The following RNF135 variants were observed in gnomAD, a reference collection of about 807,000 sequenced individuals.
RNF135 encodes E3 ubiquitin-protein ligase RNF135.
In RNF135, 46 loss-of-function variants were observed where a neutral mutation model predicts 41.9. The ratio of observed to expected loss-of-function variants is 1.10; its 90% CI spans 0.87 to 1.40. The LOEUF is 1.40. Among genes scored for constraint, RNF135 ranks in the 40% most tolerant of loss-of-function variants. The probability of loss-of-function intolerance (pLI) is 0.00; values close to 1 mark genes in which losing one functional copy is unlikely to be tolerated. For synonymous variants in RNF135, 238 were observed against 223.8 expected (o/e 1.06, Z -0.57); for missense variants, 539 against 549.8 (o/e 0.98, Z 0.20).
intron 2 of RNF135, among the ~76,000 whole-genome samples, chr17:30,985,250 G>A (rs944012701): frequency 6.6e-6 from 1 of 152,198 alleles, no homozygotes; most frequent in Non-Finnish European, 1.5e-5. Flanking sequence ...TTCCCCTGCA[G>A]GTAGTCTTCC....
chr17:30,993,875 A>G, intron 3 of RNF135: 1 of 699,898 alleles, frequency 1.4e-6, no homozygotes, highest in Non-Finnish European at 2.5e-6. Flanking sequence ...CAGTGGCACA[A>G]TCACTGCAGC....
At position 30,971,348 on chromosome 17, in the gene RNF135, T is replaced by A; in HGVS notation, c.275T>A (p.Ile92Lys). The change falls in exon 1 of 5, where the codon ATA (isoleucine) becomes AAA (lysine). Residue 92 changes from isoleucine (I) to lysine (K), a missense_variant. Transcript: ENST00000328381. ...AAGTACCGCCGCGCCGCACGCGAGA[T>A]ACAGGCGGGCTCCGACCCTGCCCAC... is the stretch of plus-strand genomic sequence containing the variant. ...ADKYRRAARE[I>K]QAGSDPAHCP... The A allele has an allele frequency of 6.5e-7, 1 of 1,532,176 alleles. No homozygotes were observed. The highest frequency in any genetic ancestry group is 8.7e-7 in the Non-Finnish European group (1 of 1,143,394). The allele number at this position is 1,532,176 out of a possible 1,614,324, so 94.9% of individuals were successfully genotyped here.
At chr17:30,975,554 C>G in intron 1 of RNF135, 1 of 783,656 alleles carries the variant, frequency 1.3e-6, no homozygotes. Flanking sequence ...AGACATACAC[C>G]CAACAATACT....
chr17:30,970,458 T>A (rs1193800176), upstream of RNF135: 2 of 152,984 alleles, frequency 1.3e-5, no homozygotes, highest in Non-Finnish European at 2.9e-5. Flanking sequence ...CAACCTTGAA[T>A]GCGCGTCAGA....
Position 30,999,130 on chromosome 17 carries a change from C to A in RNF135, c.1238C>A (p.Ala413Asp). 1 of 1,614,170 alleles carries A rather than the reference C, an allele frequency of 6.2e-7. No homozygotes were observed. Among genetic ancestry groups the A allele is most frequent in the Non-Finnish European group, 8.5e-7 (1 of 1,180,022 alleles). Residue 413 changes from alanine (A) to aspartate (D), a missense_variant, in exon 5 of 5, where the codon GCC becomes GAC. Transcript: ENST00000328381. ...TISASSPLYP[A>D]FWLYGLHPGN... ...TCTGCCTCCTCTCCTTTGTACCCTG[C>A]CTTCTGGCTGTATGGCTTACATCCT...
At chr17:30,959,988 C>CA in the RNF135 span, 229 of 73,662 alleles carry the variant, frequency 3.1e-3, no homozygotes, top group South Asian at 5.7e-3. Flanking sequence ...ACTCCGTCTC[C>CA]AAAAAAAAAA....
At chr17:30,992,650 A>G (rs1015189725) in intron 3 of RNF135, among the ~76,000 whole-genome samples, 5 of 151,844 alleles carry the variant, frequency 3.3e-5, no homozygotes, top group African/African-American at 1.2e-4. Context: ...ATTTTTGGGT[A>G]GAGACAGAGT....
upstream of RNF135, among the ~76,000 whole-genome samples, chr17:30,966,396 A>AT (rs767476831): frequency 1.9e-5 from 2 of 107,224 alleles, no homozygotes; most frequent in Non-Finnish European, 3.1e-5. Context: ...TTATTTTATT[A>AT]TTTTTTTATT....
chr17:30,971,480 C>G (rs758569446), intron 1 of RNF135, 35 bp downstream of exon 1: 2 of 1,458,002 alleles, frequency 1.4e-6, no homozygotes, highest in East Asian at 2.8e-5. Context: ...CCCTGGCTCC[C>G]CCGGGCTGCC....
chr17:30,980,200 G>A (rs1222418028), intron 1 of RNF135: 96 of 133,928 alleles, frequency 7.2e-4, no homozygotes, highest in Non-Finnish European at 1.3e-3. Flanking sequence ...GCGGCTGGCC[G>A]GGCGGGGGGC....
intron 3 of RNF135, 122 bp downstream of exon 3, chr17:30,988,228 T>G (rs891088967): frequency 1.0e-5 from 10 of 964,128 alleles, no homozygotes; most frequent in Non-Finnish European, 1.6e-5. Flanking sequence ...ACCACTGTGG[T>G]GTCGTGAATC....
chr17:30,968,894 G>A (rs1282796646), upstream of RNF135: 2 of 151,686 alleles, frequency 1.3e-5, no homozygotes, highest in Middle Eastern at 3.2e-3. Flanking sequence ...TTGAGACTAG[G>A]TCTAGCTCCT....
upstream of RNF135, among the ~76,000 whole-genome samples, chr17:30,966,008 A>C (rs1378128164): frequency 6.6e-6 from 1 of 152,160 alleles, no homozygotes; most frequent in African/African-American, 2.4e-5. Context: ...TGGCTACATA[A>C]CTCCTGAAGG....
chr17:30,975,743 GT>G, intron 1 of RNF135: 1 of 1,262,516 alleles, frequency 7.9e-7, no homozygotes, highest in Non-Finnish European at 1.2e-6. Context: ...GATTGGCCTG[GT>G]GTACATGGGT....
In RNF135 at chr17:30,984,665, C is replaced by G. The variant is rs753279574; in HGVS notation, c.421C>G (p.Leu141Val). The change falls in exon 2 of 5, where the codon CTG (leucine) becomes GTG (valine). Residue 141 changes from leucine to valine, a missense_variant. Transcript: ENST00000328381. Reference sequence around the variant, plus strand: ...AGAAGTTGCTCAGGAGCTGACAGAGCTGGTGGAACATCTTGTAGACATTGT... The same window carrying G: ...AGAAGTTGCTCAGGAGCTGACAGAGGTGGTGGAACATCTTGTAGACATTGT... The part of the protein sequence containing the change: ...ITEVAQELTE[L>V]VEHLVDIVRS... The G allele has an allele frequency of 5.3e-5, 86 of 1,614,024 alleles. No individual in the cohort carries two copies. The Admixed American group carries it at 1.4e-3, about 26-fold the overall frequency.
upstream of RNF135, among the ~76,000 whole-genome samples, chr17:30,966,912 A>T (rs190519194): frequency 6.6e-5 from 10 of 152,356 alleles, no homozygotes; most frequent in East Asian, 1.9e-3. Context: ...GTATTCAACA[A>T]AATGAGTGAC....
rs60373333 is a variant in RNF135 at position 30,981,349 on chromosome 17, GGAGGGA to G, written c.373-3246_373-3241del. 1.7e-3 allele frequency among the ~76,000 whole-genome samples: 258 copies of G among 149,524 alleles called. 1 individual carries two copies. The highest frequency in any genetic ancestry group is 5.6e-3 in the African/African-American group (223 of 39,876). ...TGGCTCAGCATCAGAGGGAGACCGT[GGAGGGA>G]GAGGGAGAGGGAGAGGGAGAGCGTG... On this transcript the variant is annotated intron_variant, in intron 1 of 4. Coordinates refer to ENST00000328381, the MANE Select transcript of RNF135 (RefSeq NM_032322.4).
At chr17:30,984,906 T>G (rs891977893) in intron 2 of RNF135, 146 bp downstream of exon 2, 3 of 990,114 alleles carry the variant, frequency 3.0e-6, no homozygotes, top group African/African-American at 3.2e-5. Flanking sequence ...ACATGGATGA[T>G]TGGACATTTG....
chr17:30,969,928 C>T (rs1159735740), upstream of RNF135, among the ~76,000 whole-genome samples: 1 of 150,902 alleles, frequency 6.6e-6, no homozygotes, highest in Non-Finnish European at 1.5e-5. Flanking sequence ...GGGCGCCTGG[C>T]TTTTCTTTTC....
Sources: allele counts gnomAD v4.1 joint callset (sites outside exome capture counted in the v4.1 genomes callset), GRCh38; gene constraint gnomAD v4.1.1; transcripts MANE v1.5; gene names NCBI Gene and HGNC (gene_info 2026-07-23, HGNC 2026-07-21).